The following TYW1B variants were observed in gnomAD, a reference collection of about 807,000 sequenced individuals.
TYW1B encodes tRNA-yW synthesizing protein 1 homolog B.
In TYW1B, 73 loss-of-function variants were observed where a neutral mutation model predicts 86.9. The ratio of observed to expected loss-of-function variants is 0.84; its 90% CI spans 0.70 to 1.02. The LOEUF is 1.02. Ranked by LOEUF, TYW1B falls within the 50% of genes least tolerant of loss-of-function variation. The pLI, the probability that TYW1B is intolerant of heterozygous loss-of-function variation, is 0.00. For missense variants in TYW1B, 637 were observed against 827.4 expected (o/e 0.77, Z 2.82); for synonymous variants, 248 against 292.8 (o/e 0.85, Z 1.56).
intron 7 of TYW1B, among the ~76,000 whole-genome samples, chr7:72,747,375 G>A (rs1248799992): frequency 2.0e-5 from 3 of 152,206 alleles, no homozygotes; most frequent in African/African-American, 4.8e-5. Context: ...ATGTGAAACT[G>A]TAAGTCCAAC....
chr7:72,662,690 T>C (rs1813362953), intron 11 of TYW1B, among the ~76,000 whole-genome samples: 1 of 152,200 alleles, frequency 6.6e-6, no homozygotes, highest in African/African-American at 2.4e-5. Flanking sequence ...TTTATTTCAA[T>C]CCAATATCTC....
At chr7:72,614,632 T>TAA (rs34879859) in intron 13 of TYW1B, among the ~76,000 whole-genome samples, 54 of 132,994 alleles carry the variant, frequency 4.1e-4, no homozygotes, top group East Asian at 1.9e-3. Context: ...GACTCCATCT[T>TAA]AAAAAAAAAA....
intron 10 of TYW1B, among the ~76,000 whole-genome samples, chr7:72,706,696 G>A (rs1329254821): frequency 2.6e-5 from 4 of 152,188 alleles, no homozygotes; most frequent in African/African-American, 4.8e-5. Context: ...CCTCAGGGCT[G>A]AAGAAACAGC....
At chr7:72,618,111 A>T (rs1251347965) in intron 12 of TYW1B, among the ~76,000 whole-genome samples, 1 of 151,946 alleles carries the variant, frequency 6.6e-6, no homozygotes, top group Non-Finnish European at 1.5e-5. Flanking sequence ...GGAGAAAGGC[A>T]TGTGCACCTC....
At chr7:72,670,751 T>C (rs1482357621) in intron 11 of TYW1B, among the ~76,000 whole-genome samples, 1 of 152,142 alleles carries the variant, frequency 6.6e-6, no homozygotes, top group Non-Finnish European at 1.5e-5. Context: ...GGGGAATAAA[T>C]GGAGTATGAA....
At chr7:72,716,552 G>A (rs1563069822) in intron 9 of TYW1B, among the ~76,000 whole-genome samples, 1 of 152,196 alleles carries the variant, frequency 6.6e-6, no homozygotes, top group Non-Finnish European at 1.5e-5. Flanking sequence ...GACCCTGATT[G>A]ACTTCAGTAG....
chr7:72,780,252 T>A (rs535951570), intron 6 of TYW1B, among the ~76,000 whole-genome samples: 5 of 152,146 alleles, frequency 3.3e-5, no homozygotes, highest in Admixed American at 6.6e-5. Context: ...TTGTTTTTTT[T>A]AATCTAAAAG....
chr7:72,747,520 G>A (rs782014812), intron 7 of TYW1B, among the ~76,000 whole-genome samples: 7 of 152,234 alleles, frequency 4.6e-5, no homozygotes, highest in Non-Finnish European at 7.4e-5. Context: ...GGGATCTCTA[G>A]TCTCTCCCTT....
intron 11 of TYW1B, among the ~76,000 whole-genome samples, chr7:72,666,891 G>A (rs1377604321): frequency 1.1e-4 from 16 of 151,748 alleles, no homozygotes; most frequent in Non-Finnish European, 2.4e-4. Flanking sequence ...AATTAGCCAG[G>A]CGTGGTGGCA....
Position 72,643,501 on chromosome 7 carries a change from C to T in TYW1B, c.1507-14504G>A, listed in dbSNP as rs528476136. Among the ~76,000 whole-genome samples, 9 of 151,896 alleles carry T rather than the reference C, an allele frequency of 5.9e-5. No homozygotes were observed. The East Asian group carries it at 9.7e-4, about 16-fold the overall frequency. On this transcript the variant is annotated intron_variant, in intron 11 of 13. Transcript: ENST00000620995. ...ACTCGGGAGGCTGAGGCAGGAGAAC[C>T]GCTTGAACCTGGGAGGCGGAGGTGG...
At chr7:72,815,819 C>CT (rs781815608) in intron 2 of TYW1B, among the ~76,000 whole-genome samples, 10 of 152,002 alleles carry the variant, frequency 6.6e-5, no homozygotes, top group East Asian at 5.8e-4. Context: ...GTGGGAGGAC[C>CT]ACTTGAGGCC....
chr7:72,665,429 T>C (rs1242034599), intron 11 of TYW1B, among the ~76,000 whole-genome samples: 1 of 152,200 alleles, frequency 6.6e-6, no homozygotes, highest in Non-Finnish European at 1.5e-5. Context: ...TCTGTGACAT[T>C]AGGAGAAAAG....
chr7:72,771,681 A>G lies in TYW1B; in HGVS notation c.964+5735T>C, dbSNP rs181494663. Among the ~76,000 whole-genome samples, 86 of 151,036 alleles carry G rather than the reference A, an allele frequency of 5.7e-4. 1 individual carries two copies. The highest frequency in any genetic ancestry group is 1.9e-4 in the East Asian group (1 of 5,148). On this transcript the variant is annotated intron_variant, in intron 7 of 13. Coordinates refer to ENST00000620995, the MANE Select transcript of TYW1B (RefSeq NM_001145440.3). Reference sequence around the variant, plus strand: ...CAAAGTTGGACTGATCCAAAGCGTCATATCAAAAAGTGACATTAAAATTTA... The same window carrying G: ...CAAAGTTGGACTGATCCAAAGCGTCGTATCAAAAAGTGACATTAAAATTTA...
chr7:72,786,628 T>C (rs1237774913), intron 6 of TYW1B, among the ~76,000 whole-genome samples: 1 of 147,074 alleles, frequency 6.8e-6, no homozygotes, highest in Non-Finnish European at 1.5e-5. Context: ...CAGGCTGGAG[T>C]GCAGTGGCGT....
At chr7:72,655,004 C>T (rs1330081065) in intron 11 of TYW1B, among the ~76,000 whole-genome samples, 1 of 152,112 alleles carries the variant, frequency 6.6e-6, no homozygotes, top group Non-Finnish European at 1.5e-5. Context: ...GAATTCTGTA[C>T]TATCTTTGTA....
chr7:72,693,866 T>C (rs1282719992), intron 11 of TYW1B, among the ~76,000 whole-genome samples: 2 of 152,158 alleles, frequency 1.3e-5, no homozygotes, highest in Non-Finnish European at 2.9e-5. Flanking sequence ...GGCATTTACA[T>C]TGTACTACAT....
At chr7:72,800,222 A>C (rs1554475358) in intron 6 of TYW1B, among the ~76,000 whole-genome samples, 2 of 151,614 alleles carry the variant, frequency 1.3e-5, no homozygotes, top group African/African-American at 4.8e-5. Context: ...TTTTGAAACA[A>C]GGTCTCCCAA....
chr7:72,656,845 A>G (rs541857116), intron 11 of TYW1B, among the ~76,000 whole-genome samples: 41 of 152,212 alleles, frequency 2.7e-4, no homozygotes, highest in African/African-American at 9.6e-4. Context: ...CTTTTACACA[A>G]CCAGGTCTTG....
At chr7:72,793,861 G>C (rs1788262191) in intron 6 of TYW1B, among the ~76,000 whole-genome samples, 2 of 152,030 alleles carry the variant, frequency 1.3e-5, no homozygotes, top group Non-Finnish European at 2.9e-5. Context: ...ATGTTGGTAA[G>C]GTACTTTAAG....
Sources: gnomAD v4.1 joint callset for allele counts (sites outside exome capture counted in the v4.1 genomes callset) on GRCh38, gnomAD v4.1.1 for gene constraint, MANE v1.5 for transcripts, NCBI Gene and HGNC (gene_info 2026-07-23, HGNC 2026-07-21) for gene names.